Variants in ASAP1 observed in about 807,000 individuals in gnomAD.
ASAP1 encodes the protein arf-GAP with SH3 domain, ANK repeat and PH domain-containing protein 1.
ASAP1 carries 43 observed loss-of-function variants against 145.2 expected under a neutral mutation model. The ratio of observed to expected loss-of-function variants is 0.30; its 90% CI spans 0.23 to 0.38. ASAP1 has a LOEUF of 0.38. ASAP1 is among the 10% of genes least tolerant of loss of function. The pLI is 1.00. For synonymous variants in ASAP1, 546 were observed against 515.5 expected, an observed-to-expected ratio of 1.06 and a Z score of -0.80; for missense variants, 1,018 against 1,355.3, an observed-to-expected ratio of 0.75 and a Z score of 3.91.
chr8:130,096,626 G>A (rs146791496), intron 24 of ASAP1, among the ~76,000 whole-genome samples: 84 of 152,294 alleles, frequency 5.5e-4, no homozygotes, highest in African/African-American at 2.0e-3. Context: ...CTTCTAAGAG[G>A]AAGTAGAGTA....
intron 3 of ASAP1, among the ~76,000 whole-genome samples, chr8:130,350,805 C>G (rs1223652839): frequency 1.3e-5 from 2 of 152,202 alleles, no homozygotes; most frequent in Non-Finnish European, 2.9e-5. Context: ...ACTCAGGGCT[C>G]TTGTACAGCC....
chr8:130,440,034 C>A (rs1416004623), intron 1 of ASAP1, among the ~76,000 whole-genome samples: 1 of 152,174 alleles, frequency 6.6e-6, no homozygotes, highest in African/African-American at 2.4e-5. Context: ...CCAGGAGTCA[C>A]CCTTGAGTCC....
intron 3 of ASAP1, among the ~76,000 whole-genome samples, chr8:130,315,732 T>G (rs554340209): frequency 3.0e-4 from 45 of 152,272 alleles, no homozygotes; most frequent in African/African-American, 1.1e-3. Context: ...ATGGAATGAC[T>G]ATTACAGTGT....
At chr8:130,347,410 G>A (rs2138002100) in intron 3 of ASAP1, among the ~76,000 whole-genome samples, 1 of 152,304 alleles carries the variant, frequency 6.6e-6, no homozygotes, top group African/African-American at 2.4e-5. Flanking sequence ...GTCACTGAGT[G>A]CCAGGCATCT....
intron 24 of ASAP1, among the ~76,000 whole-genome samples, chr8:130,105,213 C>T (rs1173909114): frequency 6.6e-6 from 1 of 152,076 alleles, no homozygotes; most frequent in Non-Finnish European, 1.5e-5. Flanking sequence ...AAATAACAAT[C>T]CAACAACAAT....
At chr8:130,348,540 A>G (rs1409545938) in intron 3 of ASAP1, among the ~76,000 whole-genome samples, 4 of 152,208 alleles carry the variant, frequency 2.6e-5, no homozygotes, top group Non-Finnish European at 5.9e-5. Context: ...TGTGGGCTGG[A>G]AAGAGCCTAC....
intron 1 of ASAP1, among the ~76,000 whole-genome samples, chr8:130,441,946 T>C (rs981287694): frequency 6.6e-6 from 1 of 152,204 alleles, no homozygotes; most frequent in Non-Finnish European, 1.5e-5. Flanking sequence ...ACTGCCCTTT[T>C]TTGGACCTGG....
At chr8:130,202,333 C>A (rs1024736531) in intron 5 of ASAP1, among the ~76,000 whole-genome samples, 1 of 152,134 alleles carries the variant, frequency 6.6e-6, no homozygotes, top group African/African-American at 2.4e-5. Flanking sequence ...TGGTCCTATA[C>A]CTTTGTCCAT....
intron 27 of ASAP1, among the ~76,000 whole-genome samples, chr8:130,066,482 A>AT (rs1322615576): frequency 6.6e-6 from 1 of 152,182 alleles, no homozygotes; most frequent in African/African-American, 2.4e-5. Flanking sequence ...AAGTGCTAGG[A>AT]TTAAAGGCTT....
At chr8:130,201,285 G>A (rs1379083838) in intron 5 of ASAP1, among the ~76,000 whole-genome samples, 1 of 152,176 alleles carries the variant, frequency 6.6e-6, no homozygotes, top group East Asian at 1.9e-4. Flanking sequence ...CAGAGGTACT[G>A]CTCTGGAAGA....
chr8:130,150,975 T>C (rs1033071357), intron 13 of ASAP1, among the ~76,000 whole-genome samples: 2 of 152,238 alleles, frequency 1.3e-5, no homozygotes, highest in African/African-American at 4.8e-5. Context: ...CACAGATGAC[T>C]GTGTATGGAA....
At chr8:130,127,408 G>T (rs1360910015) in intron 16 of ASAP1, among the ~76,000 whole-genome samples, 1 of 152,092 alleles carries the variant, frequency 6.6e-6, no homozygotes. Flanking sequence ...ATAGAGATGG[G>T]GTTTCACCAT....
intron 2 of ASAP1, among the ~76,000 whole-genome samples, chr8:130,392,933 C>T (rs1209694181): frequency 6.6e-6 from 1 of 152,196 alleles, no homozygotes; most frequent in South Asian, 2.1e-4. Flanking sequence ...TTGGGGATCA[C>T]ATTTCAACAT....
At chr8:130,311,459 T>G (rs1197980999) in intron 3 of ASAP1, among the ~76,000 whole-genome samples, 1 of 152,162 alleles carries the variant, frequency 6.6e-6, no homozygotes, top group Non-Finnish European at 1.5e-5. Flanking sequence ...GTTAAGCCAG[T>G]ACTTAAAAAG....
chr8:130,254,856 C>T (rs1285883721), intron 3 of ASAP1, among the ~76,000 whole-genome samples: 2 of 152,146 alleles, frequency 1.3e-5, no homozygotes, highest in Admixed American at 6.5e-5. Context: ...AATCTAACAA[C>T]TTTAAACTTA....
chr8:130,222,274 T>C (rs1056144468), intron 4 of ASAP1, among the ~76,000 whole-genome samples: 2 of 152,216 alleles, frequency 1.3e-5, no homozygotes, highest in Admixed American at 1.3e-4. Flanking sequence ...GTGTTATACC[T>C]TACCAAACTG....
At chr8:130,400,152 A>G (rs1050900484) in intron 2 of ASAP1, among the ~76,000 whole-genome samples, 1 of 152,128 alleles carries the variant, frequency 6.6e-6, no homozygotes, top group Non-Finnish European at 1.5e-5. Context: ...ATCACACAGC[A>G]AATCAGTGCC....
chr8:130,074,150 A>G (rs1363399726), intron 27 of ASAP1, among the ~76,000 whole-genome samples: 1 of 151,940 alleles, frequency 6.6e-6, no homozygotes, highest in Non-Finnish European at 1.5e-5. Flanking sequence ...AGACAGCTGG[A>G]TATGTTAACA....
chr8:130,188,039 G>A, intron 6 of ASAP1, 70 bp downstream of exon 6: 2 of 1,099,572 alleles, frequency 1.8e-6, no homozygotes, highest in Non-Finnish European at 1.4e-6. Flanking sequence ...GTACTACTAT[G>A]ATCTTGAAAG....
Sources: allele counts gnomAD v4.1 joint callset (sites outside exome capture counted in the v4.1 genomes callset), GRCh38; gene constraint gnomAD v4.1.1; transcripts MANE v1.5; gene names NCBI Gene and HGNC (gene_info 2026-07-23, HGNC 2026-07-21).